LUZP2: variants seen among roughly 807,000 people sequenced by gnomAD.
LUZP2 encodes the protein leucine zipper protein 2.
In LUZP2, 52 loss-of-function variants were observed where a neutral mutation model predicts 51.6. The observed-to-expected ratio is 1.01, with a 90% CI of 0.81 to 1.27. LUZP2 has a LOEUF of 1.27. LUZP2 is among the 50% of genes most tolerant of loss of function. The probability of loss-of-function intolerance (pLI) is 0.00; values close to 1 mark genes in which losing one functional copy is unlikely to be tolerated. For synonymous variants in LUZP2, 154 were observed against 137.3 expected (o/e 1.12, Z -0.85); for missense variants, 436 against 395.4 (o/e 1.10, Z -0.87).
At chr11:24,983,379 A>C in intron 9 of LUZP2, 86 bp downstream of exon 9, 1 of 1,305,898 alleles carries the variant, frequency 7.7e-7, no homozygotes. Context: ...ACCAGAGTGG[A>C]TTCAAGTATG....
At chr11:24,827,491 A>T (rs1467593890) in intron 5 of LUZP2, among the ~76,000 whole-genome samples, 1 of 152,220 alleles carries the variant, frequency 6.6e-6, no homozygotes, top group Non-Finnish European at 1.5e-5. Context: ...TCTTGCAGTG[A>T]AATCAGATGT....
At chr11:25,000,916 A>AGAGT (rs56164642) in intron 9 of LUZP2, among the ~76,000 whole-genome samples, 58,883 of 151,680 alleles carry the variant, frequency 0.39, 13,692 homozygotes, top group East Asian at 0.68. Flanking sequence ...AAATCTTTTG[A>AGAGT]GAGTGTGTGG....
chr11:24,535,810 A>G (rs1365107518), intron 1 of LUZP2, among the ~76,000 whole-genome samples: 2 of 151,716 alleles, frequency 1.3e-5, no homozygotes, highest in Non-Finnish European at 3.0e-5. Context: ...TCTTAATGGC[A>G]TCCAGAATGG....
chr11:24,893,627 A>G (rs937299903), intron 5 of LUZP2, among the ~76,000 whole-genome samples: 11 of 152,106 alleles, frequency 7.2e-5, no homozygotes, highest in African/African-American at 2.7e-4. Flanking sequence ...TTTAAACTTT[A>G]CACATTTGGA....
intron 5 of LUZP2, among the ~76,000 whole-genome samples, chr11:24,839,351 A>G (rs1179044518): frequency 6.6e-6 from 1 of 151,644 alleles, no homozygotes; most frequent in Non-Finnish European, 1.5e-5. Flanking sequence ...CAATGGTTAA[A>G]TCTTGTTGTT....
intron 1 of LUZP2, among the ~76,000 whole-genome samples, chr11:24,718,981 ATAAT>A (rs1239248519): frequency 6.6e-6 from 1 of 152,204 alleles, no homozygotes; most frequent in East Asian, 1.9e-4. Flanking sequence ...ATTCTCTTTG[ATAAT>A]TAATTAACTG....
At chr11:24,896,716 G>T (rs536332250) in intron 5 of LUZP2, among the ~76,000 whole-genome samples, 2 of 152,222 alleles carry the variant, frequency 1.3e-5, no homozygotes, top group Non-Finnish European at 2.9e-5. Flanking sequence ...CAGCTCCACC[G>T]GTGGCCCCGG....
intron 5 of LUZP2, among the ~76,000 whole-genome samples, chr11:24,877,619 T>A (rs1852314979): frequency 1.3e-5 from 2 of 152,150 alleles, no homozygotes; most frequent in Non-Finnish European, 2.9e-5. Flanking sequence ...TTAGTTATTT[T>A]AAAATGTACA....
intron 4 of LUZP2, among the ~76,000 whole-genome samples, chr11:24,758,324 C>CGTGTGTGT (rs34105960): frequency 1.4e-5 from 2 of 148,122 alleles, no homozygotes; most frequent in South Asian, 2.1e-4. Flanking sequence ...GAATGACTTG[C>CGTGTGTGT]GTGTGTGTGT....
intron 5 of LUZP2, among the ~76,000 whole-genome samples, chr11:24,852,606 GA>G (rs1851431627): frequency 6.8e-6 from 1 of 147,274 alleles, no homozygotes; most frequent in African/African-American, 2.5e-5. Flanking sequence ...GAATTTTGTA[GA>G]TTATCTATTA....
intron 1 of LUZP2, among the ~76,000 whole-genome samples, chr11:24,700,903 A>G (rs971976722): frequency 6.6e-6 from 1 of 152,080 alleles, no homozygotes; most frequent in Non-Finnish European, 1.5e-5. Flanking sequence ...AAGATGAGGA[A>G]TTTTCTTCAT....
chr11:24,791,634 A>G (rs193066950), intron 5 of LUZP2, among the ~76,000 whole-genome samples: 17 of 152,204 alleles, frequency 1.1e-4, no homozygotes, highest in East Asian at 7.7e-4. Flanking sequence ...TATAATTAAT[A>G]TAATTATAAA....
In LUZP2 at chr11:24,976,604, C is replaced by A; in HGVS notation, c.536C>A (p.Thr179Asn). ...CTTATTTTACAGGCGCAGCAGCTTA[C>A]TGATCTGGAACAAAAATTAGCTGTA... Reference protein sequence around the residue: ...KDLLFKAQQLTDLEQKLAVAK... With the variant: ...KDLLFKAQQLNDLEQKLAVAK... Residue 179 changes from threonine (T) to asparagine (N), a missense_variant, in exon 8 of 12, where the codon ACT (threonine) becomes AAT (asparagine). By Grantham distance (65) the Thr-to-Asn change is moderately conservative. Transcript: ENST00000336930. 6.3e-7 allele frequency: 1 copy of A among 1,584,866 alleles called. No homozygotes were observed. The highest frequency in any genetic ancestry group is 8.6e-7 in the Non-Finnish European group (1 of 1,169,250).
intron 1 of LUZP2, among the ~76,000 whole-genome samples, chr11:24,711,003 G>A (rs965391479): frequency 1.3e-5 from 2 of 150,804 alleles, no homozygotes; most frequent in Non-Finnish European, 3.0e-5. Context: ...GGTAGAGAGG[G>A]GGAAAAAAGA....
chr11:24,926,390 C>CGTGTGTATATATAT (rs1854256281), intron 7 of LUZP2, among the ~76,000 whole-genome samples: 1 of 7,382 alleles, frequency 1.4e-4, no homozygotes, highest in Non-Finnish European at 3.0e-4. Flanking sequence ...TATATATATA[C>CGTGTGTATATATAT]GTGTGTATAT....
intron 1 of LUZP2, among the ~76,000 whole-genome samples, chr11:24,642,094 T>G (rs1855307890): frequency 6.6e-6 from 1 of 151,742 alleles, no homozygotes. Flanking sequence ...TTCACTATGT[T>G]GGTCAGGATG....
At chr11:24,587,302 C>A (rs1339417749) in intron 1 of LUZP2, among the ~76,000 whole-genome samples, 1 of 152,038 alleles carries the variant, frequency 6.6e-6, no homozygotes, top group Non-Finnish European at 1.5e-5. Flanking sequence ...TGGGATTGTA[C>A]AAAGGAGAAT....
Position 24,916,336 on chromosome 11 carries a change from T to A in LUZP2, c.522+1798T>A, listed in dbSNP as rs117452873. Among the ~76,000 whole-genome samples the A allele has an allele frequency of 6.5e-3, 990 of 152,234 alleles. 18 individuals carry two copies. The highest frequency in any genetic ancestry group is 0.061 in the East Asian group (315 of 5,188). ...TGCTCTTTTTATTTTTTATTTTTTTTATTTTCTTTTAAATTATACTTTAAG... is the reference window on the plus strand; with the variant it reads ...TGCTCTTTTTATTTTTTATTTTTTTAATTTTCTTTTAAATTATACTTTAAG... On this transcript the variant is annotated intron_variant, in intron 7 of 11. Transcript: ENST00000336930.
chr11:24,869,680 A>C (rs540462555), intron 5 of LUZP2, among the ~76,000 whole-genome samples: 2 of 152,226 alleles, frequency 1.3e-5, no homozygotes, highest in South Asian at 4.1e-4. Context: ...TTGGGGAGCC[A>C]TGAATTGTAC....
Sources: allele counts gnomAD v4.1 joint callset (sites outside exome capture counted in the v4.1 genomes callset), GRCh38; gene constraint gnomAD v4.1.1; transcripts MANE v1.5; gene names NCBI Gene and HGNC (gene_info 2026-07-23, HGNC 2026-07-21).